Variants in CPQ observed in about 807,000 individuals in gnomAD.
CPQ encodes the protein Ser-Met dipeptidase.
In CPQ, 37 loss-of-function variants were observed where a neutral mutation model predicts 45.7. That is an observed-to-expected ratio of 0.81 (90% CI 0.62 to 1.07). The LOEUF (loss-of-function observed/expected upper bound fraction) is 1.07. Among genes scored for constraint, CPQ ranks in the 50% least tolerant of loss-of-function variants. The pLI, the probability that CPQ is intolerant of heterozygous loss-of-function variation, is 0.00. For missense variants in CPQ, 537 were observed against 572.9 expected (o/e 0.94, Z 0.64); for synonymous variants, 186 against 205.8 (o/e 0.90, Z 0.82).
intron 5 of CPQ, among the ~76,000 whole-genome samples, chr8:97,027,093 G>A (rs1050713086): frequency 3.9e-5 from 6 of 152,130 alleles, no homozygotes; most frequent in African/African-American, 1.4e-4. Context: ...AACAATAATA[G>A]TACTTTATCC....
chr8:96,976,247 C>CAAAAAAAAAA (rs55864086), intron 5 of CPQ, among the ~76,000 whole-genome samples: 4 of 60,842 alleles, frequency 6.6e-5, no homozygotes, highest in Non-Finnish European at 1.2e-4. Context: ...CAATAGCTGA[C>CAAAAAAAAAA]AAAAAAAAAA....
intron 3 of CPQ, among the ~76,000 whole-genome samples, chr8:96,847,099 G>A (rs1811702652): frequency 6.6e-6 from 1 of 152,136 alleles, no homozygotes; most frequent in South Asian, 2.1e-4. Flanking sequence ...TTCCTTATTG[G>A]TGAGACCAAA....
chr8:96,845,952 T>C (rs566670198), intron 3 of CPQ, among the ~76,000 whole-genome samples: 31 of 152,308 alleles, frequency 2.0e-4, no homozygotes, highest in African/African-American at 6.7e-4. Flanking sequence ...CCTGAGTAGC[T>C]GGGATTACAG....
chr8:97,079,367 G>A (rs1810908792), intron 7 of CPQ, among the ~76,000 whole-genome samples: 1 of 152,112 alleles, frequency 6.6e-6, no homozygotes, highest in Admixed American at 6.5e-5. Context: ...TTGGAAAAGA[G>A]GCTTAAGGAG....
intron 1 of CPQ, among the ~76,000 whole-genome samples, chr8:96,717,479 G>A (rs4515517): frequency 6.6e-6 from 1 of 152,186 alleles, no homozygotes; most frequent in South Asian, 2.1e-4. Flanking sequence ...ATAGTCTGAA[G>A]CTGGGTAATT....
At chr8:97,041,727 C>T (rs1186763177) in intron 6 of CPQ, among the ~76,000 whole-genome samples, 1 of 152,086 alleles carries the variant, frequency 6.6e-6, no homozygotes, top group South Asian at 2.1e-4. Context: ...GCCTTTTCTG[C>T]GTCTATTGAG....
chr8:97,114,716 T>A (rs1256489540), intron 7 of CPQ, among the ~76,000 whole-genome samples: 1 of 152,200 alleles, frequency 6.6e-6, no homozygotes, highest in Admixed American at 6.5e-5. Flanking sequence ...GCAATAGAGA[T>A]GTTATTGCCA....
Position 97,029,437 on chromosome 8 carries a change from C to G in CPQ, c.996C>G (p.Leu332=). The G allele has an allele frequency of 6.2e-7, 1 of 1,608,976 alleles. No homozygotes were observed. The highest frequency in any genetic ancestry group is 1.1e-5 in the South Asian group (1 of 90,022). The change falls in exon 6 of 8, where the codon CTC becomes CTG. Residue 332 remains leucine, a synonymous_variant. Transcript: ENST00000220763. ...LRPKRTLRLV[L]WTAEEQGGVG... is the part of the protein sequence containing the mutation. ...CAAAGAGGACTCTGCGGCTGGTGCT[C>G]TGGACTGCAGAAGAACAAGGTGGAG...
At chr8:96,662,469 A>G (rs1207413596) in intron 1 of CPQ, among the ~76,000 whole-genome samples, 3 of 152,208 alleles carry the variant, frequency 2.0e-5, no homozygotes, top group Non-Finnish European at 4.4e-5. Context: ...TGGATTCCTC[A>G]ATGTTTATTT....
At chr8:96,742,731 A>T (rs1324427618) in intron 1 of CPQ, among the ~76,000 whole-genome samples, 1 of 151,972 alleles carries the variant, frequency 6.6e-6, no homozygotes, top group African/African-American at 2.4e-5. Flanking sequence ...TCCTTAACTT[A>T]TGAAGCTTAG....
chr8:96,986,826 T>C (rs1440890630), intron 5 of CPQ, among the ~76,000 whole-genome samples: 4 of 152,206 alleles, frequency 2.6e-5, no homozygotes, highest in Non-Finnish European at 5.9e-5. Flanking sequence ...ACTCATCTGA[T>C]ATACCCCTAT....
chr8:96,665,723 C>T (rs1218734876), intron 1 of CPQ, among the ~76,000 whole-genome samples: 2 of 152,188 alleles, frequency 1.3e-5, no homozygotes, highest in Admixed American at 1.3e-4. Flanking sequence ...ATCTCTATTC[C>T]TATGATCTCT....
chr8:96,847,172 T>C (rs60411106), intron 3 of CPQ, among the ~76,000 whole-genome samples: 2,770 of 152,340 alleles, frequency 0.018, 104 homozygotes, highest in African/African-American at 0.062. Context: ...ATTCCACCTT[T>C]GTAGAGGAAA....
chr8:96,710,921 C>T (rs1809600108), intron 1 of CPQ, among the ~76,000 whole-genome samples: 1 of 152,068 alleles, frequency 6.6e-6, no homozygotes, highest in Non-Finnish European at 1.5e-5. Context: ...CCTCTATGAT[C>T]TGTCTAGTGC....
At chr8:96,717,416 G>A (rs1809696391) in intron 1 of CPQ, among the ~76,000 whole-genome samples, 2 of 152,012 alleles carry the variant, frequency 1.3e-5, no homozygotes, top group East Asian at 3.9e-4. Flanking sequence ...ACTGGTCTAT[G>A]TGCCTATTTT....
chr8:97,130,630 A>G (rs1811937542), intron 7 of CPQ, among the ~76,000 whole-genome samples: 1 of 152,116 alleles, frequency 6.6e-6, no homozygotes, highest in East Asian at 1.9e-4. Context: ...TAAATGCTAA[A>G]TTTACCTCTC....
chr8:96,881,576 A>T (rs1812223725), intron 4 of CPQ, among the ~76,000 whole-genome samples: 1 of 152,202 alleles, frequency 6.6e-6, no homozygotes, highest in Admixed American at 6.5e-5. Flanking sequence ...AAGTTTCTTC[A>T]TTTTATAGGT....
chr8:96,861,761 C>T (rs181769187), intron 3 of CPQ, among the ~76,000 whole-genome samples: 3 of 152,232 alleles, frequency 2.0e-5, no homozygotes, highest in East Asian at 3.9e-4. Context: ...AAAGGGCCAG[C>T]ACTCTGAGAA....
chr8:96,717,026 T>TAA (rs1809685068), intron 1 of CPQ, among the ~76,000 whole-genome samples: 1 of 2,836 alleles, frequency 3.5e-4, no homozygotes, highest in South Asian at 0.01. Flanking sequence ...ATGATATAAA[T>TAA]ATATATATAT....
Sources: allele counts gnomAD v4.1 joint callset (sites outside exome capture counted in the v4.1 genomes callset), GRCh38; gene constraint gnomAD v4.1.1; transcripts MANE v1.5; gene names NCBI Gene and HGNC (gene_info 2026-07-23, HGNC 2026-07-21).